The following ERCC6L2 variants were observed in gnomAD, a reference collection of about 807,000 sequenced individuals.
The protein encoded by ERCC6L2 is DNA excision repair protein ERCC-6-like 2.
ERCC6L2 carries 77 observed loss-of-function variants against 132.0 expected under a neutral mutation model. That is an observed-to-expected ratio of 0.58 (90% CI 0.49 to 0.71). The LOEUF (loss-of-function observed/expected upper bound fraction) is 0.71, where lower values mean the gene tolerates loss of function less well. Among genes scored for constraint, ERCC6L2 ranks in the 30% least tolerant of loss-of-function variants. The pLI is 0.00. For synonymous variants in ERCC6L2, 583 were observed against 632.4 expected, an observed-to-expected ratio of 0.92 and a Z score of 1.17; for missense variants, 1,542 against 1,837.6, an observed-to-expected ratio of 0.84 and a Z score of 2.94.
In ERCC6L2 at chr9:96,012,380, C is replaced by T. The variant is rs1227611302; in HGVS notation, c.3830C>T (p.Ser1277Phe). 1 of 1,362,362 alleles carries T rather than the reference C, an allele frequency of 7.3e-7. No homozygotes were observed. The allele number at this position is 1,362,362 out of a possible 1,614,324, so 84.4% of individuals were successfully genotyped here. A position where few individuals can be genotyped will look rare whatever the true frequency, so the allele number is the denominator to read the frequency against. ...GAGGTAAAAGAATTTTTTGTGGATT[C>T]TGTGTCACAATTCAACAATTCTTCC... ...YPEVKEFFVDSVSQFNNSSFE... is the reference protein window; with the variant it reads ...YPEVKEFFVDFVSQFNNSSFE... The change falls in exon 19 of 19, where the codon TCT (serine) becomes TTT (phenylalanine). Residue 1277 changes from serine to phenylalanine, a missense_variant. Physicochemically the swap from Ser to Phe is radical, Grantham distance 155. Coordinates refer to ENST00000653738, the MANE Select transcript of ERCC6L2 (RefSeq NM_020207.7).
At chr9:96,019,759 C>T (rs535719673), downstream of ERCC6L2, 1 of 152,240 alleles carries the variant, frequency 6.6e-6, no homozygotes, top group African/African-American at 2.4e-5. Flanking sequence ...TTAATTGGCT[C>T]ACAGTTCCTT....
chr9:95,968,517 A>G (rs1271053187), intron 14 of ERCC6L2: 2 of 152,200 alleles, frequency 1.3e-5, no homozygotes, highest in Non-Finnish European at 2.9e-5. Flanking sequence ...TATTAGCCCC[A>G]TATAATGGGA....
At position 95,982,835 on chromosome 9, in the gene ERCC6L2, A is replaced by G. The variant is rs374778749; in HGVS notation, c.3492+4620A>G. Among the ~76,000 whole-genome samples the G allele has an allele frequency of 1.3e-4, 20 of 152,294 alleles. No homozygotes were observed. In the South Asian group the frequency reaches 4.1e-3, roughly 32 times the overall value. ...TCAGAATATAATACGTCATTTGAGTAGAAAATACCTGCTACTTAAAGGAAG... is the reference window on the plus strand; with the variant it reads ...TCAGAATATAATACGTCATTTGAGTGGAAAATACCTGCTACTTAAAGGAAG... On this transcript the variant is annotated intron_variant, in intron 17 of 18. Transcript: ENST00000653738.
In ERCC6L2 at chr9:95,955,191, A is replaced by G. The variant is rs144812469; in HGVS notation, c.1848-723A>G. On this transcript the variant is annotated intron_variant, in intron 12 of 18. Coordinates refer to ENST00000653738, the MANE Select transcript of ERCC6L2 (RefSeq NM_020207.7). ...AATTAGCACTATGGTCTGTATGGAA[A>G]CACCTTGGATGCCAGTAAACTGAGT... 4.9e-4 allele frequency among the ~76,000 whole-genome samples: 74 copies of G among 152,288 alleles called. 1 individual carries two copies. Among genetic ancestry groups the G allele is most frequent in the Non-Finnish European group, 8.8e-4 (60 of 68,000 alleles).
At chr9:95,962,598 A>G (rs371083192) in intron 13 of ERCC6L2, among the ~76,000 whole-genome samples, 7 of 152,346 alleles carry the variant, frequency 4.6e-5, no homozygotes, top group Middle Eastern at 3.4e-3. Flanking sequence ...TGAAAAAGCA[A>G]TATACAGAAC....
At chr9:95,967,685 G>A (rs1832222424) in intron 14 of ERCC6L2, 1 of 152,124 alleles carries the variant, frequency 6.6e-6, no homozygotes, top group Admixed American at 6.6e-5. Context: ...GATATATACT[G>A]CTGAGTTTCT....
At chr9:95,908,324 A>G (rs983575759) in intron 4 of ERCC6L2, among the ~76,000 whole-genome samples, 6 of 152,092 alleles carry the variant, frequency 3.9e-5, no homozygotes, top group South Asian at 4.1e-4. Context: ...GTATCCTTAT[A>G]GGAAGAGAAA....
intron 16 of ERCC6L2, among the ~76,000 whole-genome samples, chr9:95,977,507 T>C (rs1451663044): frequency 3.9e-5 from 6 of 152,184 alleles, no homozygotes; most frequent in Non-Finnish European, 7.3e-5. Context: ...TAAACCTCTT[T>C]CAGATAAAAG....
In ERCC6L2 at chr9:96,015,014, A is replaced by AGTTT. The variant is rs1834149334; in HGVS notation, c.*1812_*1815dup. Among the ~76,000 whole-genome samples the AGTTT allele has an allele frequency of 4.5e-5, 3 of 66,150 alleles. No individual in the cohort carries two copies. Among genetic ancestry groups the AGTTT allele is most frequent in the Admixed American group, 1.5e-4 (1 of 6,464 alleles). 43.4% of individuals were successfully genotyped at this position (66,150 alleles called of 152,430 possible). A position where few individuals can be genotyped will look rare whatever the true frequency, so the allele number is the denominator to read the frequency against. Reference sequence around the variant, plus strand: ...AGCTCTATAGTCTTCATATATGTACAGTTTTTTTTTTTTTTTTTTTTTTTT... The same window carrying AGTTT: ...AGCTCTATAGTCTTCATATATGTACAGTTTGTTTTTTTTTTTTTTTTTTTTTTTT... On this transcript the variant is annotated 3_prime_UTR_variant, in exon 19 of 19. Coordinates refer to ENST00000653738, the MANE Select transcript of ERCC6L2 (RefSeq NM_020207.7).
intron 6 of ERCC6L2, among the ~76,000 whole-genome samples, chr9:95,920,678 C>G (rs1829821135): frequency 6.6e-6 from 1 of 152,080 alleles, no homozygotes; most frequent in Non-Finnish European, 1.5e-5. Context: ...TGAAATTATA[C>G]TTTATATTAT....
At position 95,881,167 on chromosome 9, in the gene ERCC6L2, T is replaced by A. The variant is rs1170170912; in HGVS notation, c.345T>A (p.Ile115=). The change falls in exon 2 of 19, where the codon ATT becomes ATA. Residue 115 remains isoleucine (I), a synonymous_variant. Coordinates refer to ENST00000653738, the MANE Select transcript of ERCC6L2 (RefSeq NM_020207.7). ...AFKLSDNGDS[I]PYTINRYLRD... ...AATTATCTGACAATGGAGACTCTAT[T>A]CCTTATACCATCAATAGGTATTTGA... The A allele has an allele frequency of 6.2e-7, 1 of 1,613,652 alleles. No homozygotes were observed. Among genetic ancestry groups the A allele is most frequent in the South Asian group, 1.1e-5 (1 of 91,048 alleles).
At chr9:95,902,288 T>A (rs1233403806) in intron 3 of ERCC6L2, among the ~76,000 whole-genome samples, 1 of 152,184 alleles carries the variant, frequency 6.6e-6, no homozygotes. Context: ...ATTCAATTTT[T>A]ATGAATCATA....
At chr9:95,894,106 T>TA (rs11430497) in intron 2 of ERCC6L2, among the ~76,000 whole-genome samples, 3,682 of 152,286 alleles carry the variant, frequency 0.024, 129 homozygotes, top group African/African-American at 0.074. Flanking sequence ...TCAGAACACT[T>TA]ACGTTAGCAT....
At chr9:96,002,714 G>A (rs1408278926) in intron 17 of ERCC6L2, among the ~76,000 whole-genome samples, 1 of 152,184 alleles carries the variant, frequency 6.6e-6, no homozygotes, top group East Asian at 1.9e-4. Context: ...GATTACAAGT[G>A]TGAGCCACTG....
intron 14 of ERCC6L2, chr9:95,968,436 C>G (rs1275825527): frequency 6.6e-6 from 1 of 152,128 alleles, no homozygotes; most frequent in Non-Finnish European, 1.5e-5. Flanking sequence ...TGTCATCAAT[C>G]AGAATGTAAA....
At chr9:96,038,610 G>A (rs2133274986) in intron 19 of ERCC6L2, among the ~76,000 whole-genome samples, 1 of 152,366 alleles carries the variant, frequency 6.6e-6, no homozygotes, top group African/African-American at 2.4e-5. Flanking sequence ...AAGCAGAGGT[G>A]TGGATGGTGA....
chr9:95,902,530 G>A (rs118069744), intron 3 of ERCC6L2, among the ~76,000 whole-genome samples: 3,499 of 152,100 alleles, frequency 0.023, 75 homozygotes, highest in South Asian at 0.055. Flanking sequence ...TGATGCTACC[G>A]TGAGCATCCT....
intron 4 of ERCC6L2, among the ~76,000 whole-genome samples, chr9:95,911,856 A>G (rs1244080426): frequency 1.3e-5 from 2 of 152,224 alleles, no homozygotes; most frequent in African/African-American, 4.8e-5. Flanking sequence ...ACTGTCCGCC[A>G]ATTACCTTTA....
chr9:95,985,984 C>A (rs1053007512), intron 17 of ERCC6L2, among the ~76,000 whole-genome samples: 1 of 152,202 alleles, frequency 6.6e-6, no homozygotes, highest in Non-Finnish European at 1.5e-5. Flanking sequence ...CTTAGGCCTT[C>A]CAAGCCTTTG....
Sources: gnomAD v4.1 joint callset for allele counts (sites outside exome capture counted in the v4.1 genomes callset) on GRCh38, gnomAD v4.1.1 for gene constraint, MANE v1.5 for transcripts, NCBI Gene and HGNC (gene_info 2026-07-23, HGNC 2026-07-21) for gene names.